Variants in STARD13 observed in about 807,000 individuals in gnomAD.
STARD13 encodes the protein StAR related lipid transfer domain containing 13.
A neutral mutation model predicts 106.4 loss-of-function variants in STARD13; 62 were observed. That is an observed-to-expected ratio of 0.58 (90% CI 0.48 to 0.72). The LOEUF (loss-of-function observed/expected upper bound fraction) is 0.72. Among genes scored for constraint, STARD13 ranks in the 30% least tolerant of loss-of-function variants. The probability of loss-of-function intolerance (pLI) is 0.00; values close to 1 mark genes in which losing one functional copy is unlikely to be tolerated. For synonymous variants in STARD13, 565 were observed against 553.0 expected (o/e 1.02, Z -0.31); for missense variants, 1,387 against 1,424.0 (o/e 0.97, Z 0.42).
intron 4 of STARD13, among the ~76,000 whole-genome samples, chr13:33,141,987 C>T (rs114089229): frequency 0.012 from 1,812 of 152,268 alleles, 39 homozygotes; most frequent in African/African-American, 0.04. Flanking sequence ...ATGGAGAATA[C>T]ACATGGATGG....
the STARD13 span, among the ~76,000 whole-genome samples, chr13:33,652,945 ATACT>A: frequency 1.3e-5 from 2 of 152,208 alleles, no homozygotes; most frequent in Non-Finnish European, 2.9e-5. Context: ...AAAGAAGAAA[ATACT>A]TAGGATAAAT....
At chr13:33,511,447 C>T in the STARD13 span, 3 of 151,972 alleles carry the variant, frequency 2.0e-5, no homozygotes, top group African/African-American at 7.3e-5. Flanking sequence ...ACTGAGATGG[C>T]ATTAAAAGGT....
At chr13:33,168,756 T>C (rs1390095375) in intron 1 of STARD13, among the ~76,000 whole-genome samples, 1 of 152,228 alleles carries the variant, frequency 6.6e-6, no homozygotes, top group African/African-American at 2.4e-5. Context: ...GGCCTGCGAT[T>C]GTACCTCAAC....
At chr13:33,359,037 G>A in the STARD13 span, among the ~76,000 whole-genome samples, 1 of 152,124 alleles carries the variant, frequency 6.6e-6, no homozygotes, top group South Asian at 2.1e-4. Context: ...CAGGCTACTG[G>A]GCTCTACCAA....
chr13:33,392,895 A>G, the STARD13 span, among the ~76,000 whole-genome samples: 1 of 152,228 alleles, frequency 6.6e-6, no homozygotes, highest in Admixed American at 6.5e-5. Context: ...CATGAAAAAT[A>G]TAGGATAGAG....
the STARD13 span, among the ~76,000 whole-genome samples, chr13:33,504,081 C>T: frequency 3.3e-5 from 5 of 152,056 alleles, no homozygotes; most frequent in Admixed American, 2.0e-4. Flanking sequence ...GTTAGAATGG[C>T]GATCATTAAA....
At chr13:33,527,696 C>T in the STARD13 span, among the ~76,000 whole-genome samples, 1 of 151,570 alleles carries the variant, frequency 6.6e-6, no homozygotes, top group Non-Finnish European at 1.5e-5. Flanking sequence ...GATAGGTAAC[C>T]CCTTTGTTTA....
intron 1 of STARD13, among the ~76,000 whole-genome samples, chr13:33,205,569 TTCTC>T (rs1412908064): frequency 6.6e-6 from 1 of 152,212 alleles, no homozygotes; most frequent in African/African-American, 2.4e-5. Context: ...GATAAAACAA[TTCTC>T]TCTGAGATTA....
chr13:33,384,726 C>T, the STARD13 span, among the ~76,000 whole-genome samples: 4 of 152,176 alleles, frequency 2.6e-5, no homozygotes, highest in East Asian at 5.8e-4. Flanking sequence ...ACTCTTTGAT[C>T]TCTTCATCCA....
rs752993590 is a variant in STARD13, at chr13:33,118,085, G to A, written c.2261C>T (p.Thr754Ile). The A allele has an allele frequency of 1.9e-6, 3 of 1,614,196 alleles. No individual in the cohort carries two copies. Among genetic ancestry groups the A allele is most frequent in the Non-Finnish European group, 1.7e-6 (2 of 1,180,036 alleles). ...EPLFTNKLSE[T>I]FLHIYQYVSK... The stretch of plus-strand genomic sequence containing the variant: ...CTTACACTGATAGATATGGAGAAAG[G>A]TCTCACTGAGCTTGTTGGTGAAAAG... The change falls in exon 8 of 14, where the codon ACC (threonine) becomes ATC (isoleucine). Residue 754 changes from threonine to isoleucine, a missense_variant. Physicochemically the swap from Thr to Ile is moderately conservative, Grantham distance 89 (BLOSUM62 -1). Transcript: ENST00000336934.
chr13:33,473,867 C>G, the STARD13 span, among the ~76,000 whole-genome samples: 1 of 152,152 alleles, frequency 6.6e-6, no homozygotes, highest in Non-Finnish European at 1.5e-5. Flanking sequence ...GGATCTGCTC[C>G]TCTCGATTTG....
chr13:33,392,556 C>T, the STARD13 span, among the ~76,000 whole-genome samples: 4 of 151,932 alleles, frequency 2.6e-5, no homozygotes, highest in African/African-American at 9.7e-5. Flanking sequence ...TGTGCCACCA[C>T]ACCCAGCTAA....
chr13:33,253,523 T>A (rs1288952329), intron 1 of STARD13, among the ~76,000 whole-genome samples: 1 of 152,068 alleles, frequency 6.6e-6, no homozygotes, highest in Non-Finnish European at 1.5e-5. Context: ...GGCCGCAGCG[T>A]GTATTTATAA....
chr13:33,614,184 C>A, the STARD13 span, among the ~76,000 whole-genome samples: 1 of 151,960 alleles, frequency 6.6e-6, no homozygotes, highest in Non-Finnish European at 1.5e-5. Flanking sequence ...CCTTGGCAAC[C>A]AGCTCAGCTT....
intron 1 of STARD13, among the ~76,000 whole-genome samples, chr13:33,207,530 T>C (rs932821808): frequency 1.3e-5 from 2 of 152,168 alleles, no homozygotes; most frequent in African/African-American, 4.8e-5. Flanking sequence ...GTCTCAACCT[T>C]GTAGGGATTT....
upstream of STARD13, among the ~76,000 whole-genome samples, chr13:33,354,365 T>A (rs1468300814): frequency 6.6e-6 from 1 of 152,256 alleles, no homozygotes; most frequent in African/African-American, 2.4e-5. Context: ...TGTACTCAGA[T>A]GTCACCTCCT....
chr13:33,551,568 C>CTTTTTTTTTTTTT, the STARD13 span, among the ~76,000 whole-genome samples: 329 of 44,794 alleles, frequency 7.3e-3, 160 homozygotes, highest in Middle Eastern at 0.041. Flanking sequence ...TTTGCTTTTC[C>CTTTTTTTTTTTTT]CTTTTTTTTT....
chr13:33,554,897 G>C, the STARD13 span, among the ~76,000 whole-genome samples: 11,541 of 152,166 alleles, frequency 0.076, 594 homozygotes, highest in East Asian at 0.28. Context: ...CTAGTGTTTG[G>C]CACATTTTAA....
At chr13:33,628,044 A>C in the STARD13 span, among the ~76,000 whole-genome samples, 1 of 149,592 alleles carries the variant, frequency 6.7e-6, no homozygotes, top group Non-Finnish European at 1.5e-5. Context: ...GACTCACTGC[A>C]ACCTAATTTT....
Sources: allele counts gnomAD v4.1 joint callset (sites outside exome capture counted in the v4.1 genomes callset), GRCh38; gene constraint gnomAD v4.1.1; transcripts MANE v1.5; gene names NCBI Gene and HGNC (gene_info 2026-07-23, HGNC 2026-07-21).